Variants in FILIP1 observed in about 807,000 individuals in gnomAD.
FILIP1 encodes the protein filamin-A-interacting protein 1.
In FILIP1, 61 loss-of-function variants were observed where a neutral mutation model predicts 102.1. That is an observed-to-expected ratio of 0.60 (90% CI 0.49 to 0.74). FILIP1 has a LOEUF of 0.74. Among genes scored for constraint, FILIP1 ranks in the 30% least tolerant of loss-of-function variants. The pLI, the probability that FILIP1 is intolerant of heterozygous loss-of-function variation, is 0.00. For missense variants in FILIP1, 1,314 were observed against 1,441.2 expected (o/e 0.91, Z 1.43); for synonymous variants, 491 against 526.9 (o/e 0.93, Z 0.93).
intron 1 of FILIP1, among the ~76,000 whole-genome samples, chr6:75,444,196 C>T (rs1376614000): frequency 6.6e-6 from 1 of 152,154 alleles, no homozygotes; most frequent in Non-Finnish European, 1.5e-5. Context: ...GATACATTTC[C>T]CTCAGTTAAT....
intron 1 of FILIP1, among the ~76,000 whole-genome samples, chr6:75,459,070 C>T (rs894359138): frequency 1.3e-5 from 2 of 152,116 alleles, no homozygotes; most frequent in African/African-American, 4.8e-5. Context: ...ATAAGGTTTG[C>T]CTGGAGGCCC....
chr6:75,325,101 TA>T lies in FILIP1; in HGVS notation c.630-9900del, dbSNP rs376798604. Among the ~76,000 whole-genome samples the T allele has an allele frequency of 3.7e-4, 56 of 152,158 alleles. No homozygotes were observed. The East Asian group carries it at 0.01, about 28-fold the overall frequency. On this transcript the variant is annotated intron_variant, in intron 4 of 5. Coordinates refer to ENST00000237172, the MANE Select transcript of FILIP1 (RefSeq NM_015687.5). ...ATAAATAGATGGAACCTAACTAAACTAAAAAGCTTCTGTACAGCAAAAGAAG... is the reference window on the plus strand; with the variant it reads ...ATAAATAGATGGAACCTAACTAAACTAAAAGCTTCTGTACAGCAAAAGAAG...
chr6:75,488,936 C>A (rs1159301768), intron 1 of FILIP1, among the ~76,000 whole-genome samples: 1 of 152,110 alleles, frequency 6.6e-6, no homozygotes, highest in Non-Finnish European at 1.5e-5. Flanking sequence ...CGCAAGAATT[C>A]ATTTCCATTT....
Position 75,315,034 on chromosome 6 carries a change from C to T in FILIP1, c.798G>A (p.Gln266=). 1 of 1,614,096 alleles carries T rather than the reference C, an allele frequency of 6.2e-7. No individual in the cohort carries two copies. Among genetic ancestry groups the T allele is most frequent in the Non-Finnish European group, 8.5e-7 (1 of 1,180,006 alleles). Residue 266 remains glutamine, a synonymous_variant, in exon 5 of 6, where the codon CAG becomes CAA. Coordinates refer to ENST00000237172, the MANE Select transcript of FILIP1 (RefSeq NM_015687.5). ...MHIEQLGLQS[Q]KVQDLTQKLR... The stretch of plus-strand genomic sequence containing the variant: ...GCTTCTGAGTAAGATCCTGTACTTT[C>T]TGGCTTTGCAGGCCAAGTTGTTCAA...
chr6:75,319,420 T>C (rs901852396), intron 4 of FILIP1: 4 of 622,028 alleles, frequency 6.4e-6, no homozygotes, highest in South Asian at 1.4e-5. Context: ...GTCTCCCCTT[T>C]AGGAGGGCTA....
At chr6:75,410,870 G>T (rs1777043640) in intron 2 of FILIP1, among the ~76,000 whole-genome samples, 1 of 152,082 alleles carries the variant, frequency 6.6e-6, no homozygotes, top group African/African-American at 2.4e-5. Flanking sequence ...GAATAGTGCT[G>T]CAATAAACAT....
chr6:75,418,716 G>A (rs1270289020), intron 1 of FILIP1, among the ~76,000 whole-genome samples: 1 of 152,094 alleles, frequency 6.6e-6, no homozygotes, highest in East Asian at 1.9e-4. Flanking sequence ...TTAAAAAAAG[G>A]TTCTCCCCAA....
chr6:75,358,828 T>C (rs1775087753), intron 3 of FILIP1, among the ~76,000 whole-genome samples: 1 of 151,704 alleles, frequency 6.6e-6, no homozygotes, highest in African/African-American at 2.4e-5. Context: ...GTTCATGCCA[T>C]TCTCCTGCCT....
intron 2 of FILIP1, among the ~76,000 whole-genome samples, chr6:75,370,342 T>C (rs1284438371): frequency 6.6e-6 from 1 of 152,184 alleles, no homozygotes; most frequent in Non-Finnish European, 1.5e-5. Flanking sequence ...ACTGTGTCTA[T>C]AGCGCCTAAA....
intron 2 of FILIP1, among the ~76,000 whole-genome samples, chr6:75,394,259 A>C (rs1193457794): frequency 6.6e-6 from 1 of 152,138 alleles, no homozygotes; most frequent in Non-Finnish European, 1.5e-5. Flanking sequence ...CATCCACAAA[A>C]AAGTAAAGTA....
intron 2 of FILIP1, among the ~76,000 whole-genome samples, chr6:75,373,766 T>C (rs1472270699): frequency 2.0e-5 from 3 of 152,202 alleles, no homozygotes; most frequent in Admixed American, 2.0e-4. Flanking sequence ...CCCAGCACTG[T>C]AGGAAGCTGA....
intron 2 of FILIP1, among the ~76,000 whole-genome samples, chr6:75,381,781 C>G (rs72887205): frequency 0.044 from 6,734 of 152,250 alleles, 223 homozygotes; most frequent in Non-Finnish European, 0.066. Flanking sequence ...TTACATTTTA[C>G]TCTAGCATGG....
intron 2 of FILIP1, among the ~76,000 whole-genome samples, chr6:75,370,569 C>CTTTTTTTTTT (rs61384517): frequency 6.6e-5 from 5 of 75,702 alleles, no homozygotes; most frequent in African/African-American, 1.7e-4. Flanking sequence ...GGAGTCTCTT[C>CTTTTTTTTTT]TTTTTTTTTT....
intron 4 of FILIP1, among the ~76,000 whole-genome samples, chr6:75,320,847 G>A (rs1356821072): frequency 6.6e-6 from 1 of 152,174 alleles, no homozygotes; most frequent in East Asian, 1.9e-4. Context: ...CTCAAATGAG[G>A]GAGGGAGCCT....
At chr6:75,389,296 G>C (rs1177109252) in intron 2 of FILIP1, among the ~76,000 whole-genome samples, 1 of 152,144 alleles carries the variant, frequency 6.6e-6, no homozygotes, top group Non-Finnish European at 1.5e-5. Flanking sequence ...GAGTATTTTT[G>C]CATCAATCAT....
intron 1 of FILIP1, among the ~76,000 whole-genome samples, chr6:75,471,517 G>A (rs1486519431): frequency 3.3e-5 from 5 of 152,082 alleles, no homozygotes; most frequent in Non-Finnish European, 5.9e-5. Context: ...TAAGTATTGC[G>A]CATTCACGGA....
At chr6:75,304,256 C>A (rs1340668919), downstream of FILIP1, among the ~76,000 whole-genome samples, 1 of 151,318 alleles carries the variant, frequency 6.6e-6, no homozygotes. Flanking sequence ...ACTTTGTCAC[C>A]CAGGTTGGAG....
chr6:75,428,815 A>G (rs1305117607), intron 1 of FILIP1, among the ~76,000 whole-genome samples: 1 of 152,124 alleles, frequency 6.6e-6, no homozygotes, highest in Non-Finnish European at 1.5e-5. Flanking sequence ...ACATGGTTTC[A>G]GTGTGTGTGT....
intron 4 of FILIP1, among the ~76,000 whole-genome samples, chr6:75,322,283 T>A (rs1460132431): frequency 1.3e-5 from 2 of 152,164 alleles, no homozygotes; most frequent in Non-Finnish European, 2.9e-5. Flanking sequence ...TTGCTCTACA[T>A]TACTGGGCAC....
Sources: allele counts gnomAD v4.1 joint callset (sites outside exome capture counted in the v4.1 genomes callset), GRCh38; gene constraint gnomAD v4.1.1; transcripts MANE v1.5; gene names NCBI Gene and HGNC (gene_info 2026-07-23, HGNC 2026-07-21).